Variants in PRKAG2 observed in about 807,000 individuals in gnomAD.
The protein encoded by PRKAG2 is 5'-AMP-activated protein kinase subunit gamma-2.
In PRKAG2, 26 loss-of-function variants were observed where a neutral mutation model predicts 69.6. That is an observed-to-expected ratio of 0.37 (90% confidence interval 0.27 to 0.52). The LOEUF is 0.52. Among genes scored for constraint, PRKAG2 ranks in the 20% least tolerant of loss-of-function variants. The pLI, the probability that PRKAG2 is intolerant of heterozygous loss-of-function variation, is 0.90. For synonymous variants in PRKAG2, 293 were observed against 285.0 expected (o/e 1.03, Z -0.28); for missense variants, 557 against 740.0 (o/e 0.75, Z 2.87).
chr7:151,712,110 C>T (rs1795416320), intron 3 of PRKAG2, among the ~76,000 whole-genome samples: 1 of 152,236 alleles, frequency 6.6e-6, no homozygotes, highest in Non-Finnish European at 1.5e-5. Context: ...TCCAGGCCTT[C>T]CTCCGCGGCG....
chr7:151,864,523 C>T (rs547775620), intron 1 of PRKAG2, among the ~76,000 whole-genome samples: 3 of 152,352 alleles, frequency 2.0e-5, no homozygotes, highest in African/African-American at 7.2e-5. Context: ...TTCCCCAGAC[C>T]AGGTTGGTAT....
At chr7:151,812,127 C>G (rs768859282) in intron 1 of PRKAG2, among the ~76,000 whole-genome samples, 4 of 152,136 alleles carry the variant, frequency 2.6e-5, no homozygotes, top group Non-Finnish European at 5.9e-5. Flanking sequence ...TAAGAGGTAA[C>G]GTAGAGACAG....
intron 3 of PRKAG2, among the ~76,000 whole-genome samples, chr7:151,707,841 CCGGGGCCA>C (rs1376940416): frequency 6.6e-6 from 1 of 152,220 alleles, no homozygotes; most frequent in East Asian, 1.9e-4. Context: ...CCAACTCACC[CCGGGGCCA>C]CCGGGGCCAA....
chr7:151,838,675 C>T (rs2079203068), intron 1 of PRKAG2, among the ~76,000 whole-genome samples: 1 of 149,082 alleles, frequency 6.7e-6, no homozygotes, highest in Non-Finnish European at 1.5e-5. Context: ...CCACTGCACT[C>T]CAGCCAGGGA....
At chr7:151,653,655 A>T (rs1828911585) in intron 4 of PRKAG2, among the ~76,000 whole-genome samples, 1 of 152,188 alleles carries the variant, frequency 6.6e-6, no homozygotes, top group Non-Finnish European at 1.5e-5. Flanking sequence ...CAGCCTGGCC[A>T]GCATGGTGAA....
At chr7:151,868,615 C>A (rs890283174) in intron 1 of PRKAG2, among the ~76,000 whole-genome samples, 36 of 152,222 alleles carry the variant, frequency 2.4e-4, no homozygotes, top group Non-Finnish European at 3.4e-4. Context: ...CCTGAAAGGA[C>A]GGCAGACAGC....
chr7:151,617,218 G>A lies in PRKAG2; in HGVS notation c.754+14851C>T, dbSNP rs547861743. Among the ~76,000 whole-genome samples, 9 of 144,598 alleles carry A rather than the reference G, an allele frequency of 6.2e-5. No homozygotes were observed. The South Asian group carries it at 9.1e-4, about 15-fold the overall frequency. The allele number at this position is 144,598 out of a possible 152,430, so 94.9% of individuals were successfully genotyped here. A position where few individuals can be genotyped will look rare whatever the true frequency, so the allele number is the denominator to read the frequency against. On this transcript the variant is annotated intron_variant, in intron 5 of 15. Transcript: ENST00000287878. ...GGAGGTTGCAGTGAGCCAAGATCAC[G>A]CTGTTGCACTCCAGTCTGGCAACAA...
chr7:151,754,247 G>A (rs987309499), intron 3 of PRKAG2, among the ~76,000 whole-genome samples: 6 of 152,244 alleles, frequency 3.9e-5, no homozygotes, highest in African/African-American at 7.2e-5. Flanking sequence ...GGCTGGGGAC[G>A]TCTTCCAGGC....
intron 1 of PRKAG2, among the ~76,000 whole-genome samples, chr7:151,831,193 T>G (rs2079018876): frequency 6.6e-6 from 1 of 152,126 alleles, no homozygotes; most frequent in African/African-American, 2.4e-5. Flanking sequence ...CCTCAGAAGT[T>G]AAATATAAAG....
intron 4 of PRKAG2, among the ~76,000 whole-genome samples, chr7:151,673,314 G>GA (rs750054065): frequency 5.9e-5 from 9 of 152,100 alleles, no homozygotes; most frequent in Non-Finnish European, 1.3e-4. Flanking sequence ...TTTTCTAGAA[G>GA]GTTCTCCCTT....
At position 151,660,247 on chromosome 7, in the gene PRKAG2, C is replaced by T. The variant is rs77237028; in HGVS notation, c.684+15173G>A. Among the ~76,000 whole-genome samples the T allele has an allele frequency of 5.7e-3, 866 of 152,276 alleles. 14 individuals are homozygous for T. The highest frequency in any genetic ancestry group is 0.017 in the African/African-American group (726 of 41,550). On this transcript the variant is annotated intron_variant, in intron 4 of 15. Transcript: ENST00000287878. ...GAAAGGGCAGATTCAAGTCCAGGAA[C>T]GTGGACAGATCTTAAGAAGGAAAAT... is the stretch of plus-strand genomic sequence containing the variant.
At chr7:151,838,567 T>C (rs1156556758) in intron 1 of PRKAG2, among the ~76,000 whole-genome samples, 21 of 150,570 alleles carry the variant, frequency 1.4e-4, no homozygotes, top group African/African-American at 4.4e-4. Context: ...ATTAGCCAGG[T>C]GTGGTGGTGC....
chr7:151,566,344 C>T (rs1378461486), intron 11 of PRKAG2, among the ~76,000 whole-genome samples: 1 of 152,130 alleles, frequency 6.6e-6, no homozygotes, highest in Non-Finnish European at 1.5e-5. Flanking sequence ...CTGTCTGAGC[C>T]ACTGCTAAGC....
At position 151,648,356 on chromosome 7, in the gene PRKAG2, G is replaced by A. The variant is rs1412990675; in HGVS notation, c.685-16218C>T. On this transcript the variant is annotated intron_variant, in intron 4 of 15. Coordinates refer to ENST00000287878, the MANE Select transcript of PRKAG2 (RefSeq NM_016203.4). ...TATACAAAAATGTCGCTATGAAAACGTTCATCCTTGTACCGCCTGAAAGCA... is the reference window on the plus strand; with the variant it reads ...TATACAAAAATGTCGCTATGAAAACATTCATCCTTGTACCGCCTGAAAGCA... Among the ~76,000 whole-genome samples, 8 of 152,256 alleles carry A rather than the reference G, an allele frequency of 5.3e-5. No individual in the cohort carries two copies. The East Asian group carries it at 9.6e-4, about 18-fold the overall frequency.
In PRKAG2 at chr7:151,814,637, T is replaced by C; in HGVS notation, c.115-28096A>G. ...CGGCTGTGCTCCGAGCTGCTGCCAC[T>C]GCATGTCTGCAACAGATGGGGACCG... On this transcript the variant is annotated intron_variant, in intron 1 of 15. Transcript: ENST00000287878. The surrounding 1 kb of genome is among the most constrained non-coding windows in gnomAD (Gnocchi z 4.8). 8.1e-7 allele frequency: 1 copy of C among 1,231,802 alleles called. No individual in the cohort carries two copies. The highest frequency in any genetic ancestry group is 1.0e-6 in the Non-Finnish European group (1 of 988,028). The allele number at this position is 1,231,802 out of a possible 1,614,324, so 76.3% of individuals were successfully genotyped here. A position where few individuals can be genotyped will look rare whatever the true frequency, so the allele number is the denominator to read the frequency against.
rs189005144 is a variant in PRKAG2, at chr7:151,816,906, G to A, written c.115-30365C>T. On this transcript the variant is annotated intron_variant, in intron 1 of 15. Transcript: ENST00000287878. ...AAATGTCAGAGAAATGGGCTCCGTC[G>A]TCTAAAGGATTCAGAGGTTTGCTAC... 3.3e-5 allele frequency among the ~76,000 whole-genome samples: 5 copies of A among 152,278 alleles called. No homozygotes were observed. In the East Asian group the frequency reaches 5.8e-4, roughly 18 times the overall value.
At chr7:151,722,639 T>C (rs1797304823) in intron 3 of PRKAG2, among the ~76,000 whole-genome samples, 2 of 152,000 alleles carry the variant, frequency 1.3e-5, no homozygotes, top group African/African-American at 4.8e-5. Context: ...GAGACTCCCG[T>C]GGGGACACAC....
intron 3 of PRKAG2, among the ~76,000 whole-genome samples, chr7:151,688,494 T>G (rs1835117959): frequency 6.6e-6 from 1 of 152,140 alleles, no homozygotes; most frequent in South Asian, 2.1e-4. Flanking sequence ...GTCCAGTGGC[T>G]GCGAGGCCCT....
At chr7:151,799,979 G>A (rs752368948) in intron 1 of PRKAG2, among the ~76,000 whole-genome samples, 31 of 152,244 alleles carry the variant, frequency 2.0e-4, no homozygotes, top group Non-Finnish European at 3.7e-4. Flanking sequence ...TTTAATTCTT[G>A]TTTAAAAAGA....
Sources: gnomAD v4.1 joint callset for allele counts (sites outside exome capture counted in the v4.1 genomes callset) on GRCh38, gnomAD v4.1.1 for gene constraint, Gnocchi (gnomAD v3.1) non-coding constraint, MANE v1.5 for transcripts, NCBI Gene and HGNC (gene_info 2026-07-23, HGNC 2026-07-21) for gene names.